The following SH3BGR variants were observed in gnomAD, a reference collection of about 807,000 sequenced individuals.
SH3BGR encodes SH3 domain-binding glutamic acid-rich protein.
In SH3BGR, 29 loss-of-function variants were observed where a neutral mutation model predicts 24.5. That is an observed-to-expected ratio of 1.18 (90% CI 0.88 to 1.61). The LOEUF (loss-of-function observed/expected upper bound fraction) is 1.61. Ranked by LOEUF, SH3BGR falls within the 40% of genes most tolerant of loss-of-function variation. The probability of loss-of-function intolerance (pLI) is 0.00; values close to 1 mark genes in which losing one functional copy is unlikely to be tolerated. For missense variants in SH3BGR, 162 were observed against 205.8 expected, an observed-to-expected ratio of 0.79 and a Z score of 1.30; for synonymous variants, 55 against 65.7, an observed-to-expected ratio of 0.84 and a Z score of 0.79.
At chr21:39,486,087 A>C (rs1040860229) in intron 3 of SH3BGR, among the ~76,000 whole-genome samples, 9 of 152,244 alleles carry the variant, frequency 5.9e-5, no homozygotes, top group African/African-American at 2.2e-4. Flanking sequence ...ATTCTTCATG[A>C]AAGATGAAGC....
intron 2 of SH3BGR, among the ~76,000 whole-genome samples, chr21:39,466,471 A>G (rs2077844264): frequency 1.3e-5 from 2 of 152,190 alleles, no homozygotes; most frequent in African/African-American, 2.4e-5. Flanking sequence ...GACCATATGT[A>G]TTACTTCATT....
chr21:39,492,179 AC>A (rs1477088085), intron 3 of SH3BGR, among the ~76,000 whole-genome samples: 4 of 151,918 alleles, frequency 2.6e-5, no homozygotes, highest in Non-Finnish European at 5.9e-5. Flanking sequence ...TGCACCCATC[AC>A]CCAAGCAGTG....
intron 3 of SH3BGR, among the ~76,000 whole-genome samples, chr21:39,493,542 G>A (rs1171796502): frequency 1.3e-5 from 2 of 152,144 alleles, no homozygotes; most frequent in African/African-American, 4.8e-5. Flanking sequence ...TTGAAATCAG[G>A]TAACATGATG....
At chr21:39,495,201 G>T (rs973338176) in intron 3 of SH3BGR, among the ~76,000 whole-genome samples, 20 of 151,888 alleles carry the variant, frequency 1.3e-4, no homozygotes, top group Admixed American at 2.0e-4. Flanking sequence ...GGTCTTCATT[G>T]GTTGTTTTTT....
intron 3 of SH3BGR, among the ~76,000 whole-genome samples, chr21:39,493,091 C>G (rs1954252768): frequency 6.6e-6 from 1 of 152,006 alleles, no homozygotes; most frequent in Admixed American, 6.6e-5. Context: ...GCTGACTGTT[C>G]CTTTTGCCGT....
At chr21:39,513,774 C>G (rs2078737774) in intron 6 of SH3BGR, among the ~76,000 whole-genome samples, 1 of 152,036 alleles carries the variant, frequency 6.6e-6, no homozygotes, top group Non-Finnish European at 1.5e-5. Flanking sequence ...TATCCTCATA[C>G]CAGAAACAAA....
chr21:39,507,567 A>C (rs2078604856), intron 4 of SH3BGR, among the ~76,000 whole-genome samples: 2 of 152,174 alleles, frequency 1.3e-5, no homozygotes, highest in African/African-American at 4.8e-5. Flanking sequence ...TCCTGATCTC[A>C]GGTGATCTGC....
chr21:39,510,029 G>A (rs888522291), intron 5 of SH3BGR, among the ~76,000 whole-genome samples: 4 of 127,442 alleles, frequency 3.1e-5, no homozygotes, highest in African/African-American at 1.1e-4. Context: ...TGCAAGCTCC[G>A]CCTCCCAGGT....
chr21:39,484,569 G>A (rs1025612324), intron 3 of SH3BGR, among the ~76,000 whole-genome samples: 2 of 151,918 alleles, frequency 1.3e-5, no homozygotes, highest in African/African-American at 4.8e-5. Flanking sequence ...TTGTGCTCAG[G>A]TACTGTCATA....
At chr21:39,487,789 T>C (rs765961822) in intron 3 of SH3BGR, among the ~76,000 whole-genome samples, 18 of 152,218 alleles carry the variant, frequency 1.2e-4, no homozygotes, top group Non-Finnish European at 2.4e-4. Context: ...AGCGAGTGCC[T>C]ATTGAAAGCA....
chr21:39,471,426 A>AT (rs1274820454), intron 2 of SH3BGR, among the ~76,000 whole-genome samples: 5 of 151,962 alleles, frequency 3.3e-5, no homozygotes, highest in South Asian at 2.1e-4. Context: ...AAACAATTAA[A>AT]TTAACAAAAA....
chr21:39,480,671 T>G (rs2078115653), intron 3 of SH3BGR, among the ~76,000 whole-genome samples: 1 of 152,266 alleles, frequency 6.6e-6, no homozygotes, highest in South Asian at 2.1e-4. Flanking sequence ...GTGTATCTTT[T>G]GTTTAATCGA....
At chr21:39,479,787 A>G (rs978686155) in intron 3 of SH3BGR, among the ~76,000 whole-genome samples, 6 of 152,168 alleles carry the variant, frequency 3.9e-5, no homozygotes, top group African/African-American at 1.4e-4. Context: ...CTTTGTAAGC[A>G]ATTAGGTTTC....
At chr21:39,512,572 C>T (rs751332903) in intron 6 of SH3BGR, among the ~76,000 whole-genome samples, 2 of 152,176 alleles carry the variant, frequency 1.3e-5, no homozygotes, top group Non-Finnish European at 1.5e-5. Context: ...AGGACATGGG[C>T]GAATGCTTAA....
chr21:39,505,608 A>G (rs946041973), intron 4 of SH3BGR, among the ~76,000 whole-genome samples: 1 of 152,130 alleles, frequency 6.6e-6, no homozygotes, highest in Non-Finnish European at 1.5e-5. Flanking sequence ...TACTAAAAAT[A>G]CAAAAAATTA....
At chr21:39,450,994 T>C (rs1337802983), upstream of SH3BGR, among the ~76,000 whole-genome samples, 1 of 150,674 alleles carries the variant, frequency 6.6e-6, no homozygotes, top group Non-Finnish European at 1.5e-5. Flanking sequence ...TTTTGTGTTA[T>C]TGTTGTTGGT....
chr21:39,472,705 A>G (rs571587193), intron 2 of SH3BGR, among the ~76,000 whole-genome samples: 1 of 152,340 alleles, frequency 6.6e-6, no homozygotes, highest in South Asian at 2.1e-4. Flanking sequence ...AAGTTGAATC[A>G]GGGAAGTTTC....
At chr21:39,448,332 C>T (rs1026414573), upstream of SH3BGR, among the ~76,000 whole-genome samples, 3 of 152,122 alleles carry the variant, frequency 2.0e-5, no homozygotes, top group Middle Eastern at 6.8e-3. Context: ...ATAATAAAGA[C>T]GTGTCTTTAT....
chr21:39,490,739 ATTTT>A (rs55916184), intron 3 of SH3BGR, among the ~76,000 whole-genome samples: 78,598 of 140,094 alleles, frequency 0.56, 21,779 homozygotes, highest in East Asian at 0.68. Context: ...GGTTTTGTGC[ATTTT>A]TTTTTTTTTT....
Sources: gnomAD v4.1 joint callset for allele counts (sites outside exome capture counted in the v4.1 genomes callset) on GRCh38, gnomAD v4.1.1 for gene constraint, MANE v1.5 for transcripts, NCBI Gene and HGNC (gene_info 2026-07-23, HGNC 2026-07-21) for gene names.